CNBD1: variants seen among roughly 807,000 people sequenced by gnomAD.
CNBD1 encodes the protein cyclic nucleotide-binding domain-containing protein 1.
In CNBD1, 71 loss-of-function variants were observed where a neutral mutation model predicts 54.4. That is an observed-to-expected ratio of 1.30 (90% CI 1.08 to 1.59). The LOEUF is 1.59. Among genes scored for constraint, CNBD1 ranks in the 40% most tolerant of loss-of-function variants. The probability of loss-of-function intolerance (pLI) is 0.00; values close to 1 mark genes in which losing one functional copy is unlikely to be tolerated. For synonymous variants in CNBD1, 182 were observed against 170.7 expected (o/e 1.07, Z -0.51); for missense variants, 659 against 518.0 (o/e 1.27, Z -2.64).
At chr8:86,927,555 C>T (rs1809383161) in intron 3 of CNBD1, among the ~76,000 whole-genome samples, 1 of 151,844 alleles carries the variant, frequency 6.6e-6, no homozygotes. Flanking sequence ...CAGGGGCAGG[C>T]CTGGTAACAG....
At chr8:87,271,003 G>A (rs2130857917) in intron 6 of CNBD1, among the ~76,000 whole-genome samples, 1 of 151,766 alleles carries the variant, frequency 6.6e-6, no homozygotes, top group East Asian at 1.9e-4. Flanking sequence ...ATCTTGGTAG[G>A]TTATATGTGT....
intron 8 of CNBD1, among the ~76,000 whole-genome samples, chr8:87,289,833 A>G (rs1172038021): frequency 1.3e-5 from 2 of 152,126 alleles, no homozygotes; most frequent in Non-Finnish European, 2.9e-5. Flanking sequence ...TCAGGGAATC[A>G]AAAGTCTTAG....
intron 5 of CNBD1, among the ~76,000 whole-genome samples, chr8:87,229,527 C>G (rs1814617278): frequency 6.6e-6 from 1 of 151,948 alleles, no homozygotes; most frequent in African/African-American, 2.4e-5. Flanking sequence ...CTTTTTTAGA[C>G]AATTTTATAG....
intron 10 of CNBD1, among the ~76,000 whole-genome samples, chr8:87,373,673 A>T (rs1385246789): frequency 6.6e-6 from 1 of 151,860 alleles, no homozygotes; most frequent in Admixed American, 6.6e-5. Context: ...GTTGGCTTAT[A>T]GGAATTGCCA....
At chr8:87,356,350 A>T (rs1441129218) in intron 10 of CNBD1, among the ~76,000 whole-genome samples, 1 of 152,212 alleles carries the variant, frequency 6.6e-6, no homozygotes, top group Non-Finnish European at 1.5e-5. Context: ...GTTGTGAACA[A>T]AATACTGATA....
At chr8:87,304,261 A>G (rs1198280289) in intron 8 of CNBD1, among the ~76,000 whole-genome samples, 19 of 152,126 alleles carry the variant, frequency 1.2e-4, no homozygotes, top group Admixed American at 2.6e-4. Context: ...GATAGACTGG[A>G]TTAAGAAAAT....
At chr8:86,964,007 C>T (rs1808006014) in intron 4 of CNBD1, among the ~76,000 whole-genome samples, 1 of 152,118 alleles carries the variant, frequency 6.6e-6, no homozygotes, top group African/African-American at 2.4e-5. Flanking sequence ...GTTATTAGAG[C>T]CTCTGTCTTT....
downstream of CNBD1, among the ~76,000 whole-genome samples, chr8:87,383,013 G>C (rs1811113315): frequency 6.6e-6 from 1 of 151,854 alleles, no homozygotes; most frequent in Admixed American, 6.6e-5. Context: ...TCAGGGTTTG[G>C]ATTGAGGACC....
chr8:86,918,264 G>A (rs1418304225), intron 3 of CNBD1, among the ~76,000 whole-genome samples: 1 of 152,108 alleles, frequency 6.6e-6, no homozygotes, highest in Non-Finnish European at 1.5e-5. Flanking sequence ...TCTTAAAGAT[G>A]CATCATACAC....
intron 10 of CNBD1, among the ~76,000 whole-genome samples, chr8:87,378,714 G>C (rs1015077435): frequency 6.6e-6 from 1 of 151,082 alleles, no homozygotes. Flanking sequence ...GCTTGATGGA[G>C]ATGGCATTGA....
At chr8:87,119,371 T>C (rs1811845684) in intron 4 of CNBD1, among the ~76,000 whole-genome samples, 1 of 152,102 alleles carries the variant, frequency 6.6e-6, no homozygotes, top group South Asian at 2.1e-4. Context: ...GCTTGATTTT[T>C]TCTTGTCTAG....
intron 4 of CNBD1, among the ~76,000 whole-genome samples, chr8:87,101,652 C>T (rs904924932): frequency 6.6e-6 from 1 of 152,012 alleles, no homozygotes; most frequent in African/African-American, 2.4e-5. Flanking sequence ...ATCATATTAA[C>T]ATTTATAGAA....
chr8:87,076,786 A>G (rs1348242284), intron 4 of CNBD1, among the ~76,000 whole-genome samples: 2 of 152,176 alleles, frequency 1.3e-5, no homozygotes, highest in East Asian at 1.9e-4. Context: ...TTTAAACACA[A>G]TAAAGCTCTC....
At chr8:86,961,907 C>G (rs1807938497) in intron 4 of CNBD1, among the ~76,000 whole-genome samples, 1 of 152,198 alleles carries the variant, frequency 6.6e-6, no homozygotes, top group Non-Finnish European at 1.5e-5. Flanking sequence ...GAAGGAGATT[C>G]AGTACTTGTA....
chr8:87,138,869 G>A (rs1042636178), intron 4 of CNBD1, among the ~76,000 whole-genome samples: 1 of 152,152 alleles, frequency 6.6e-6, no homozygotes, highest in Non-Finnish European at 1.5e-5. Context: ...ATCAACAAAT[G>A]AATTTCAATA....
At chr8:87,225,635 G>T (rs550402555) in intron 5 of CNBD1, among the ~76,000 whole-genome samples, 2 of 152,052 alleles carry the variant, frequency 1.3e-5, no homozygotes, top group Non-Finnish European at 2.9e-5. Flanking sequence ...TGCTGGATTC[G>T]GTTTGCCAGT....
chr8:87,077,961 T>A (rs1445064254), intron 4 of CNBD1, among the ~76,000 whole-genome samples: 1 of 152,138 alleles, frequency 6.6e-6, no homozygotes, highest in East Asian at 1.9e-4. Flanking sequence ...TCAAATGGTA[T>A]TTCTAAAAGG....
intron 4 of CNBD1, among the ~76,000 whole-genome samples, chr8:87,068,699 A>G (rs11994797): frequency 0.014 from 2,119 of 152,210 alleles, 52 homozygotes; most frequent in African/African-American, 0.045. Context: ...TAACCTGTTT[A>G]GGTAGAGCAT....
chr8:86,946,142 A>G (rs1309943805), intron 4 of CNBD1, among the ~76,000 whole-genome samples: 2 of 152,200 alleles, frequency 1.3e-5, no homozygotes, highest in Non-Finnish European at 2.9e-5. Context: ...GCTTTTTAAC[A>G]AAAGACTTTG....
Sources: gnomAD v4.1 joint callset for allele counts (sites outside exome capture counted in the v4.1 genomes callset) on GRCh38, gnomAD v4.1.1 for gene constraint, MANE v1.5 for transcripts, NCBI Gene and HGNC (gene_info 2026-07-23, HGNC 2026-07-21) for gene names.